The following ADARB2 variants were observed in gnomAD, a reference collection of about 807,000 sequenced individuals.
The protein encoded by ADARB2 is inactive double-stranded RNA-specific editase B2.
In ADARB2, 25 loss-of-function variants were observed where a neutral mutation model predicts 62.2. The ratio of observed to expected loss-of-function variants is 0.40; its 90% CI spans 0.29 to 0.56. The LOEUF (loss-of-function observed/expected upper bound fraction) is 0.56, where lower values mean the gene tolerates loss of function less well. Ranked by LOEUF, ADARB2 falls within the 20% of genes least tolerant of loss-of-function variation. The pLI, the probability that ADARB2 is intolerant of heterozygous loss-of-function variation, is 0.43. For synonymous variants in ADARB2, 572 were observed against 500.8 expected, an observed-to-expected ratio of 1.14 and a Z score of -1.90; for missense variants, 1,071 against 1,077.4, an observed-to-expected ratio of 0.99 and a Z score of 0.08.
intron 3 of ADARB2, among the ~76,000 whole-genome samples, chr10:1,330,635 G>C (rs1211141740): frequency 6.6e-6 from 1 of 152,186 alleles, no homozygotes; most frequent in African/African-American, 2.4e-5. Context: ...CAGATGAAAT[G>C]CTTAAACCCT....
intron 1 of ADARB2, among the ~76,000 whole-genome samples, chr10:1,429,448 T>C (rs1342285569): frequency 6.6e-6 from 1 of 152,176 alleles, no homozygotes; most frequent in Non-Finnish European, 1.5e-5. Flanking sequence ...GAAATTCTCA[T>C]TCTCAATAAG....
At chr10:1,471,969 G>A (rs1278122180) in intron 1 of ADARB2, among the ~76,000 whole-genome samples, 1 of 152,128 alleles carries the variant, frequency 6.6e-6, no homozygotes, top group Non-Finnish European at 1.5e-5. Context: ...TTTGGTTGTG[G>A]TCATTTAACT....
chr10:1,395,881 T>C (rs1414384317), intron 1 of ADARB2, among the ~76,000 whole-genome samples: 1 of 152,180 alleles, frequency 6.6e-6, no homozygotes, highest in African/African-American at 2.4e-5. Context: ...AAGCCAGTCA[T>C]GACCAGCACT....
At chr10:1,617,618 G>A (rs182121134) in intron 1 of ADARB2, among the ~76,000 whole-genome samples, 1 of 142,860 alleles carries the variant, frequency 7.0e-6, no homozygotes, top group African/African-American at 2.7e-5. Flanking sequence ...TGCATCCTGG[G>A]AACTGGCGTC....
chr10:1,624,864 TCTTGA>T (rs1194725553), intron 1 of ADARB2, among the ~76,000 whole-genome samples: 3 of 152,138 alleles, frequency 2.0e-5, no homozygotes, highest in African/African-American at 7.2e-5. Flanking sequence ...TTGAGATTCT[TCTTGA>T]CTTGGAATTA....
At chr10:1,231,568 G>A (rs906391957) in intron 6 of ADARB2, among the ~76,000 whole-genome samples, 2 of 152,118 alleles carry the variant, frequency 1.3e-5, no homozygotes, top group African/African-American at 4.8e-5. Flanking sequence ...CCACTTCTCA[G>A]GTACTCAGGC....
chr10:1,485,563 A>T (rs1339724872), intron 1 of ADARB2, among the ~76,000 whole-genome samples: 1 of 152,172 alleles, frequency 6.6e-6, no homozygotes, highest in East Asian at 1.9e-4. Context: ...GGGGCAGAAG[A>T]GTCCACCAAG....
intron 1 of ADARB2, among the ~76,000 whole-genome samples, chr10:1,499,483 C>A (rs1369576332): frequency 1.7e-4 from 25 of 151,332 alleles, no homozygotes; most frequent in Non-Finnish European, 2.9e-5. Flanking sequence ...CAGTTGTCAG[C>A]TACTCATCAC....
chr10:1,213,252 T>G, intron 7 of ADARB2, among the ~76,000 whole-genome samples: 2 of 145,240 alleles, frequency 1.4e-5, no homozygotes, highest in African/African-American at 2.6e-5. Context: ...AGGACAGAGA[T>G]GGAGACAAAG....
chr10:1,235,290 T>G (rs1830855405), intron 5 of ADARB2, among the ~76,000 whole-genome samples: 1 of 131,364 alleles, frequency 7.6e-6, no homozygotes, highest in South Asian at 2.7e-4. Flanking sequence ...GAAACGGCTT[T>G]CCTTCTGCAT....
At chr10:1,488,379 G>C (rs1234223904) in intron 1 of ADARB2, among the ~76,000 whole-genome samples, 1 of 152,240 alleles carries the variant, frequency 6.6e-6, no homozygotes, top group East Asian at 1.9e-4. Context: ...TTGCTGGTGT[G>C]ATGTATTACA....
At chr10:1,525,409 T>C (rs1266427732) in intron 1 of ADARB2, among the ~76,000 whole-genome samples, 1 of 152,234 alleles carries the variant, frequency 6.6e-6, no homozygotes, top group Non-Finnish European at 1.5e-5. Flanking sequence ...CACTTTATGA[T>C]TCTTTTTATT....
Position 1,578,741 on chromosome 10 carries a change from C to A in ADARB2, c.100+158310G>T, listed in dbSNP as rs1031769629. 5.0e-4 allele frequency among the ~76,000 whole-genome samples: 9 copies of A among 17,878 alleles called. No homozygotes were observed. The South Asian group carries it at 0.11, about 218-fold the overall frequency. The allele number at this position is 17,878 out of a possible 152,430, so 11.7% of individuals were successfully genotyped here. A position where few individuals can be genotyped will look rare whatever the true frequency, so the allele number is the denominator to read the frequency against. ...CACAGACTCAGGCACACATTCACGC[C>A]GCACACAGGTACCTATGTTTATACA... is the stretch of plus-strand genomic sequence containing the variant. On this transcript the variant is annotated intron_variant, in intron 1 of 9. Coordinates refer to ENST00000381312, the MANE Select transcript of ADARB2 (RefSeq NM_018702.4).
chr10:1,276,650 A>T lies in ADARB2; in HGVS notation c.1078-5581T>A, dbSNP rs1224741727. ...GAAAAGACTTAGACTCCCAAACAAT[A>T]ATAACGGGAGACTTTAACACCCCAC... is the stretch of plus-strand genomic sequence containing the variant. On this transcript the variant is annotated intron_variant, in intron 3 of 9. Transcript: ENST00000381312. 6.5e-4 allele frequency among the ~76,000 whole-genome samples: 99 copies of T among 152,322 alleles called. No individual in the cohort carries two copies. The Middle Eastern group carries it at 0.01, about 16-fold the overall frequency.
intron 1 of ADARB2, among the ~76,000 whole-genome samples, chr10:1,545,909 T>G (rs1487234930): frequency 6.6e-6 from 1 of 152,290 alleles, no homozygotes; most frequent in Admixed American, 6.5e-5. Context: ...GTCCCATAGC[T>G]TTTTGAAATG....
intron 1 of ADARB2, among the ~76,000 whole-genome samples, chr10:1,412,361 G>T (rs1459341661): frequency 6.6e-6 from 1 of 151,926 alleles, no homozygotes; most frequent in Non-Finnish European, 1.5e-5. Flanking sequence ...TTGATTAAAA[G>T]ATGTGTTTTT....
At chr10:1,245,348 ATTATAC>A (rs1830974635) in intron 4 of ADARB2, among the ~76,000 whole-genome samples, 2 of 152,048 alleles carry the variant, frequency 1.3e-5, no homozygotes, top group South Asian at 4.1e-4. Flanking sequence ...TTTCTTTTTT[ATTATAC>A]TTTAAGTTTT....
chr10:1,339,593 G>A (rs138697838), intron 3 of ADARB2, among the ~76,000 whole-genome samples: 1 of 152,228 alleles, frequency 6.6e-6, no homozygotes. Context: ...CATCCAGGCT[G>A]CAGTGGATTC....
At chr10:1,317,708 T>G (rs1011527163) in intron 3 of ADARB2, among the ~76,000 whole-genome samples, 3 of 123,078 alleles carry the variant, frequency 2.4e-5, no homozygotes, top group African/African-American at 9.4e-5. Context: ...TGCCCCTGGG[T>G]CCCCCAAAAG....
Sources: allele counts gnomAD v4.1 joint callset (sites outside exome capture counted in the v4.1 genomes callset), GRCh38; gene constraint gnomAD v4.1.1; transcripts MANE v1.5; gene names NCBI Gene and HGNC (gene_info 2026-07-23, HGNC 2026-07-21).